CYP2E1: variants seen among roughly 807,000 people sequenced by gnomAD.
CYP2E1 encodes cytochrome P450 2E1.
In CYP2E1, 31 loss-of-function variants were observed where a neutral mutation model predicts 42.9. The observed-to-expected ratio is 0.72, with a 90% CI of 0.54 to 0.98. CYP2E1 has a LOEUF of 0.98. CYP2E1 is among the 50% of genes least tolerant of loss of function. CYP2E1 has a pLI of 0.00. For missense variants in CYP2E1, 565 were observed against 633.2 expected, an observed-to-expected ratio of 0.89 and a Z score of 1.16; for synonymous variants, 244 against 248.9, an observed-to-expected ratio of 0.98 and a Z score of 0.19.
At position 133,538,849 on chromosome 10, in the gene CYP2E1, A is replaced by G; in HGVS notation, c.1367A>G (p.Gln456Arg). ...ELFLLLCAIL[Q>R]HFNLKPLVDP... ...TTTCTTTTGTTGTGTGCCATTTTGC[A>G]GCATTTTAATTTGAAGCCTCTCGTT... The change falls in exon 9 of 9, where the codon CAG becomes CGG. Residue 456 changes from glutamine (Q) to arginine (R), a missense_variant. By Grantham distance (43) the Gln-to-Arg change is conservative (BLOSUM62 1). Coordinates refer to ENST00000252945, the MANE Select transcript of CYP2E1 (RefSeq NM_000773.4). 6.2e-7 allele frequency: 1 copy of G among 1,614,150 alleles called. No individual in the cohort carries two copies. Among genetic ancestry groups the G allele is most frequent in the African/African-American group, 1.3e-5 (1 of 75,040 alleles).
rs1443704595 is a variant in CYP2E1, at chr10:133,527,487, A to T, written c.92A>T (p.Asn31Ile). 7 of 1,613,706 alleles carry T rather than the reference A, an allele frequency of 4.3e-6. No homozygotes were observed. Among genetic ancestry groups the T allele is most frequent in the Non-Finnish European group, 5.9e-6 (7 of 1,179,992 alleles). Reference protein sequence around the residue: ...SMWRQVHSSWNLPPGPFPLPI... With the variant: ...SMWRQVHSSWILPPGPFPLPI... ...TGGAGGCAGGTGCACAGCAGCTGGA[A>T]TCTGCCCCCAGGCCCTTTCCCGCTT... is the stretch of plus-strand genomic sequence containing the variant. Residue 31 changes from asparagine (N) to isoleucine (I), a missense_variant, in exon 1 of 9, where the codon AAT (asparagine) becomes ATT (isoleucine). By Grantham distance (149) the Asn-to-Ile change is moderately radical. Transcript: ENST00000252945.
At chr10:133,530,776 C>T (rs963674498) in intron 2 of CYP2E1, among the ~76,000 whole-genome samples, 2 of 152,004 alleles carry the variant, frequency 1.3e-5, no homozygotes, top group Non-Finnish European at 2.9e-5. Context: ...GGGGCCCCTG[C>T]GGTGTAAAGG....
chr10:133,534,842 C>T (rs1359925880), intron 6 of CYP2E1, among the ~76,000 whole-genome samples: 1 of 147,234 alleles, frequency 6.8e-6, no homozygotes, highest in Admixed American at 6.9e-5. Context: ...TTGTTCTTTC[C>T]TTCTTCTTCT....
rs1851337174 is a variant in CYP2E1, at chr10:133,531,611, T to G, written c.364T>G (p.Trp122Gly). The G allele has an allele frequency of 6.2e-7, 1 of 1,613,996 alleles. No homozygotes were observed. Among genetic ancestry groups the G allele is most frequent in the African/African-American group, 1.3e-5 (1 of 74,932 alleles). Residue 122 changes from tryptophan (W) to glycine (G), a missense_variant, in exon 3 of 9, where the codon TGG becomes GGG. Physicochemically the swap from Trp to Gly is radical, Grantham distance 184. Transcript: ENST00000252945. ...AATCATTTTTAATAATGGACCTACC[T>G]GGAAGGACATCCGGCGGTTTTCCCT... ...RGIIFNNGPT[W>G]KDIRRFSLTT... is the part of the protein sequence containing the mutation.
At chr10:133,535,577 C>G (rs2133598566) in intron 6 of CYP2E1, among the ~76,000 whole-genome samples, 1 of 152,282 alleles carries the variant, frequency 6.6e-6, no homozygotes, top group East Asian at 1.9e-4. Flanking sequence ...TTCGACTACT[C>G]TGCACTAGGG....
intron 7 of CYP2E1, 174 bp downstream of exon 7, chr10:133,537,424 A>G: frequency 1.5e-6 from 1 of 662,450 alleles, no homozygotes; most frequent in Non-Finnish European, 2.5e-6. Context: ...GAGTGCTCAC[A>G]TTGGCCTGGT....
At chr10:133,529,882 C>T (rs1008521089) in intron 2 of CYP2E1, among the ~76,000 whole-genome samples, 3 of 152,132 alleles carry the variant, frequency 2.0e-5, no homozygotes, top group African/African-American at 7.2e-5. Flanking sequence ...TCTGGGGTTG[C>T]CAAAAACAAA....
intron 6 of CYP2E1, among the ~76,000 whole-genome samples, chr10:133,535,639 A>G: frequency 6.6e-6 from 1 of 152,370 alleles, no homozygotes; most frequent in African/African-American, 2.4e-5. Context: ...GGAGGTTCCA[A>G]TATAGACAAA....
At chr10:133,531,848 G>C in intron 3 of CYP2E1, 114 bp downstream of exon 3, 1 of 1,144,916 alleles carries the variant, frequency 8.7e-7, no homozygotes, top group Non-Finnish European at 1.2e-6. Context: ...GACAAGGAGA[G>C]GGTCTCGTGA....
chr10:133,531,557 T>C, intron 2 of CYP2E1, 28 bp from the exon 3 acceptor site: 1 of 1,613,628 alleles, frequency 6.2e-7, no homozygotes, highest in East Asian at 2.2e-5. Context: ...GTATTTAGAA[T>C]AACCTTCTGC....
Position 133,538,764 on chromosome 10 carries a change from C to G in CYP2E1, c.1298-16C>G, listed in dbSNP as rs9629960. On this transcript the variant is annotated splice_polypyrimidine_tract_variant and intron_variant, in intron 8 of 8. Transcript: ENST00000252945. Reference sequence around the variant, plus strand: ...AAACTCCCTCAGTGTCTCATCAATACCATTGTTACTTCTAGGAAAACGAGT... The same window carrying G: ...AAACTCCCTCAGTGTCTCATCAATAGCATTGTTACTTCTAGGAAAACGAGT... The G allele has an allele frequency of 2.4e-3, 3,849 of 1,610,308 alleles. No homozygotes were observed. In the African/African-American group the frequency reaches 0.045, roughly 19 times the overall value.
chr10:133,537,000 TG>T, intron 6 of CYP2E1, 62 bp from the exon 7 acceptor site: 1 of 1,486,276 alleles, frequency 6.7e-7, no homozygotes, highest in African/African-American at 1.4e-5. Flanking sequence ...GGGTGGATGA[TG>T]GGTGGATGCC....
At chr10:133,537,276 A>C in intron 7 of CYP2E1, 26 bp downstream of exon 7, 1 of 1,607,836 alleles carries the variant, frequency 6.2e-7, no homozygotes, top group Non-Finnish European at 8.5e-7. Context: ...TGCAGCACAC[A>C]GCATGAACAC....
rs749034745 is a variant in CYP2E1 at position 133,537,810 on chromosome 10, T to A, written c.1215T>A (p.Asp405Glu). The A allele has an allele frequency of 3.7e-6, 6 of 1,613,780 alleles. No individual in the cohort carries two copies. Among genetic ancestry groups the A allele is most frequent in the Non-Finnish European group, 5.1e-6 (6 of 1,179,748 alleles). Residue 405 changes from aspartate to glutamate, a missense_variant, in exon 8 of 9, where the codon GAT becomes GAA. Transcript: ENST00000252945. ...SVLYDNQEFP[D>E]PEKFKPEHFL... is the part of the protein sequence containing the mutation. ...TGTATGACAACCAAGAATTTCCTGATCCAGAAAAGTTTAAGCCAGAACACT... is the reference window on the plus strand; with the variant it reads ...TGTATGACAACCAAGAATTTCCTGAACCAGAAAAGTTTAAGCCAGAACACT...
chr10:133,536,280 C>G lies in CYP2E1; in HGVS notation c.968-783C>G, dbSNP rs891557940. ...ATAACCTCATAGAGCTTAGCTCTCACTAAGTTTTTGGAGCATTTTCCAGTA... is the reference window on the plus strand; with the variant it reads ...ATAACCTCATAGAGCTTAGCTCTCAGTAAGTTTTTGGAGCATTTTCCAGTA... On this transcript the variant is annotated intron_variant, in intron 6 of 8. Coordinates refer to ENST00000252945, the MANE Select transcript of CYP2E1 (RefSeq NM_000773.4). Among the ~76,000 whole-genome samples the G allele has an allele frequency of 5.9e-5, 9 of 152,220 alleles. No individual in the cohort carries two copies. The South Asian group carries it at 6.2e-4, about 11-fold the overall frequency.
intron 6 of CYP2E1, 134 bp from the exon 7 acceptor site, chr10:133,536,929 T>C: frequency 1.5e-6 from 1 of 689,652 alleles, no homozygotes; most frequent in South Asian, 1.8e-5. Context: ...GAGGGGTGTA[T>C]AGATGGAGGG....
intron 2 of CYP2E1, among the ~76,000 whole-genome samples, chr10:133,529,590 T>G (rs926955599): frequency 1.3e-5 from 2 of 152,268 alleles, no homozygotes; most frequent in African/African-American, 4.8e-5. Flanking sequence ...TTGTCCAGCG[T>G]ACATTTCTGA....
chr10:133,538,628 G>A, intron 8 of CYP2E1, 152 bp from the exon 9 acceptor site: 2 of 671,922 alleles, frequency 3.0e-6, no homozygotes, highest in South Asian at 3.8e-5. Flanking sequence ...TACATTTTGT[G>A]CTTCTTTTAA....
intron 8 of CYP2E1, among the ~76,000 whole-genome samples, 168 bp from the exon 9 acceptor site, chr10:133,538,612 C>T (rs1000422283): frequency 6.6e-6 from 1 of 152,194 alleles, no homozygotes; most frequent in African/African-American, 2.4e-5. Flanking sequence ...TATCCTTCCA[C>T]TCAAGTACAT....
Sources: allele counts gnomAD v4.1 joint callset (sites outside exome capture counted in the v4.1 genomes callset), GRCh38; gene constraint gnomAD v4.1.1; transcripts MANE v1.5; gene names NCBI Gene and HGNC (gene_info 2026-07-23, HGNC 2026-07-21).